The following NFE2L1 variants were observed in gnomAD, a reference collection of about 807,000 sequenced individuals.
NFE2L1 encodes NFE2 like bZIP transcription factor 1.
In NFE2L1, 18 loss-of-function variants were observed where a neutral mutation model predicts 61.6. The ratio of observed to expected loss-of-function variants is 0.29; its 90% CI spans 0.20 to 0.43. NFE2L1 has a LOEUF of 0.43. Ranked by LOEUF, NFE2L1 falls within the 20% of genes least tolerant of loss-of-function variation. The pLI, the probability that NFE2L1 is intolerant of heterozygous loss-of-function variation, is 1.00. For missense variants in NFE2L1, 827 were observed against 973.5 expected (o/e 0.85, Z 2.00); for synonymous variants, 419 against 402.7 (o/e 1.04, Z -0.48).
intron 2 of NFE2L1, chr17:48,054,722 G>T: frequency 7.7e-7 from 1 of 1,296,704 alleles, no homozygotes. Flanking sequence ...CTTGAGCACG[G>T]AGCATGGGGT....
Position 48,051,340 on chromosome 17 carries a change from G to C in NFE2L1, c.222G>C (p.Leu74=). The part of the protein sequence containing the change: ...GYGIHPKSID[L]DNYFTARRLL... Reference sequence around the variant, plus strand: ...GTATCCACCCCAAGAGCATAGACCTGGACAATTACTTCACTGCCCGGCGGC... The same window carrying C: ...GTATCCACCCCAAGAGCATAGACCTCGACAATTACTTCACTGCCCGGCGGC... The change falls in exon 2 of 6, where the codon CTG becomes CTC. Residue 74 remains leucine (L), a synonymous_variant. Transcript: ENST00000362042. 6.2e-7 allele frequency: 1 copy of C among 1,614,130 alleles called. No individual in the cohort carries two copies. Among genetic ancestry groups the C allele is most frequent in the East Asian group, 2.2e-5 (1 of 44,878 alleles).
intron 2 of NFE2L1, 132 bp downstream of exon 2, chr17:48,051,760 G>C (rs760056531): frequency 5.8e-5 from 66 of 1,138,940 alleles, no homozygotes; most frequent in Non-Finnish European, 8.0e-5. Context: ...ACTGTTCTTG[G>C]GTAGGGATGG....
At chr17:48,057,624 G>T in intron 5 of NFE2L1, 122 bp downstream of exon 5, 1 of 1,288,358 alleles carries the variant, frequency 7.8e-7, no homozygotes, top group South Asian at 1.5e-5. Context: ...TAGAGAAGTG[G>T]GGACAATGAG....
chr17:48,054,473 G>A (rs1160626149), intron 2 of NFE2L1: 1 of 620,366 alleles, frequency 1.6e-6, no homozygotes, highest in Non-Finnish European at 2.3e-6. Flanking sequence ...CGGAGACTTG[G>A]GGGAGGAGAT....
At chr17:48,053,429 A>G (rs766014225) in intron 2 of NFE2L1, among the ~76,000 whole-genome samples, 1 of 152,192 alleles carries the variant, frequency 6.6e-6, no homozygotes, top group Non-Finnish European at 1.5e-5. Flanking sequence ...CAACTCAGGG[A>G]TAAAAATACC....
intron 2 of NFE2L1, chr17:48,054,960 C>T: frequency 6.8e-7 from 1 of 1,463,188 alleles, no homozygotes; most frequent in East Asian, 2.8e-5. Context: ...CCAAGAGCTC[C>T]TTGCAGCCCC....
At chr17:48,056,663 G>A in intron 3 of NFE2L1, 65 bp downstream of exon 3, 1 of 1,568,684 alleles carries the variant, frequency 6.4e-7, no homozygotes, top group Non-Finnish European at 8.7e-7. Context: ...AACCAGGCTG[G>A]AGTTCTTCCA....
At chr17:48,054,944 T>C (rs2037356134) in intron 2 of NFE2L1, 1 of 1,444,468 alleles carries the variant, frequency 6.9e-7, no homozygotes, top group Non-Finnish European at 9.1e-7. Flanking sequence ...GTGTGCTCCC[T>C]GAAAGCCAAG....
In NFE2L1 at chr17:48,050,977, C is replaced by G; in HGVS notation, c.-142C>G. The G allele has an allele frequency of 1.0e-6, 1 of 985,974 alleles. No homozygotes were observed. Among genetic ancestry groups the G allele is most frequent in the Non-Finnish European group, 1.5e-6 (1 of 658,712 alleles). 61.1% of individuals were successfully genotyped at this position (985,974 alleles called of 1,614,324 possible). ...CCTCTGGGGCCGTCAGGGAGCTCAT[C>G]CCTTGTGTTCTGCCAGGGTGGGGTA... On this transcript the variant is annotated 5_prime_UTR_variant, in exon 2 of 6. In the 5' UTR this introduces an upstream ATG that the reference lacks. Transcript: ENST00000362042.
intron 2 of NFE2L1, 43 bp downstream of exon 2, chr17:48,051,671 G>T (rs1374031937): frequency 6.4e-7 from 1 of 1,568,338 alleles, no homozygotes; most frequent in Admixed American, 1.8e-5. Context: ...GGGGCTTGGG[G>T]GTGGGCTGGT....
At chr17:48,055,607 G>A (rs2037381250) in intron 2 of NFE2L1, among the ~76,000 whole-genome samples, 1 of 151,856 alleles carries the variant, frequency 6.6e-6, no homozygotes, top group African/African-American at 2.4e-5. Context: ...TGGTGTAGGG[G>A]ACACAGTGAG....
Position 48,051,161 on chromosome 17 carries a change from T to C in NFE2L1, c.43T>C (p.Phe15Leu). 8 of 1,614,232 alleles carry C rather than the reference T, an allele frequency of 5.0e-6. No homozygotes were observed. Among genetic ancestry groups the C allele is most frequent in the Non-Finnish European group, 6.8e-6 (8 of 1,180,040 alleles). The change falls in exon 2 of 6, where the codon TTC becomes CTC. Residue 15 changes from phenylalanine to leucine, a missense_variant. This residue lies in a region of NFE2L1 where 667 missense variants were observed against 748.4 expected (regional missense o/e 0.89). Transcript: ENST00000362042. ...KKYLTEGLLQFTILLSLIGVR... is the reference protein window; with the variant it reads ...KKYLTEGLLQLTILLSLIGVR... ...ATACTTAACGGAAGGACTTCTCCAG[T>C]TCACCATTCTGCTGAGTTTGATTGG...
rs2037530613 is a variant in NFE2L1, at chr17:48,060,653, A to G, written c.*1012A>G. 6.5e-6 allele frequency: 1 copy of G among 152,702 alleles called. No individual in the cohort carries two copies. The highest frequency in any genetic ancestry group is 1.5e-5 in the Non-Finnish European group (1 of 68,102). 9.5% of individuals were successfully genotyped at this position (152,702 alleles called of 1,614,324 possible). A position where few individuals can be genotyped will look rare whatever the true frequency, so the allele number is the denominator to read the frequency against. On this transcript the variant is annotated 3_prime_UTR_variant, in exon 6 of 6. Coordinates refer to ENST00000362042, the MANE Select transcript of NFE2L1 (RefSeq NM_003204.3). ...GGGACTGCTGTGAGGCAGAGGAATG[A>G]TGGAGAATCTAGTGTAGCAGCCTCC...
At chr17:48,054,078 C>T (rs534577917) in intron 2 of NFE2L1, among the ~76,000 whole-genome samples, 6 of 152,330 alleles carry the variant, frequency 3.9e-5, no homozygotes, top group African/African-American at 7.2e-5. Context: ...CAGCCTGGCT[C>T]GTGATCCCTG....
In NFE2L1 at chr17:48,060,423, G is replaced by C. The variant is rs2037525944; in HGVS notation, c.*782G>C. 1 of 153,028 alleles carries C rather than the reference G, an allele frequency of 6.5e-6. No individual in the cohort carries two copies. Among genetic ancestry groups the C allele is most frequent in the African/African-American group, 2.4e-5 (1 of 41,438 alleles). 9.5% of individuals were successfully genotyped at this position (153,028 alleles called of 1,614,324 possible). On this transcript the variant is annotated 3_prime_UTR_variant, in exon 6 of 6. Coordinates refer to ENST00000362042, the MANE Select transcript of NFE2L1 (RefSeq NM_003204.3). ...CCCAACATCACGCATGTCATTCACT[G>C]CCTTGCCACTCCATCTCCCTCCGTG... is the stretch of plus-strand genomic sequence containing the variant.
In NFE2L1 at chr17:48,048,447, GAC is replaced by G. The variant is rs1381923151; in HGVS notation, c.-527_-526del. On this transcript the variant is annotated 5_prime_UTR_variant, in exon 1 of 6. Coordinates refer to ENST00000362042, the MANE Select transcript of NFE2L1 (RefSeq NM_003204.3). Reference sequence around the variant, plus strand: ...AGGGCCTGCTGTGGAGGCAGCGGCGGACGCCGAGCTAAGCAGTGGGTATCGGG... The same window carrying G: ...AGGGCCTGCTGTGGAGGCAGCGGCGGGCCGAGCTAAGCAGTGGGTATCGGG... 6.5e-6 allele frequency: 1 copy of G among 152,674 alleles called. No homozygotes were observed. Among genetic ancestry groups the G allele is most frequent in the African/African-American group, 2.4e-5 (1 of 41,466 alleles). The allele number at this position is 152,674 out of a possible 1,614,324, so 9.5% of individuals were successfully genotyped here. A position where few individuals can be genotyped will look rare whatever the true frequency, so the allele number is the denominator to read the frequency against.
At chr17:48,051,683 C>T in intron 2 of NFE2L1, 55 bp downstream of exon 2, 1 of 1,556,234 alleles carries the variant, frequency 6.4e-7, no homozygotes, top group South Asian at 1.2e-5. Flanking sequence ...TGGGCTGGTC[C>T]CAAAGGATTG....
chr17:48,058,747 T>A lies in NFE2L1; in HGVS notation c.1425T>A (p.Ser475=). ...QASQLEEEFD[S]DSGLSLDSSH... is the part of the protein sequence containing the mutation. ...CCCAGCTGGAGGAGGAATTTGACTC[T>A]GACTCAGGCCTTTCCTTAGACTCGA... The change falls in exon 6 of 6, where the codon TCT becomes TCA. Residue 475 remains serine, a synonymous_variant. Coordinates refer to ENST00000362042, the MANE Select transcript of NFE2L1 (RefSeq NM_003204.3). 1 of 1,614,244 alleles carries A rather than the reference T, an allele frequency of 6.2e-7. No homozygotes were observed. Among genetic ancestry groups the A allele is most frequent in the Non-Finnish European group, 8.5e-7 (1 of 1,180,044 alleles).
At chr17:48,055,034 C>A (rs1256130205) in intron 2 of NFE2L1, 18 of 1,516,650 alleles carry the variant, frequency 1.2e-5, no homozygotes, top group Non-Finnish European at 1.4e-5. Context: ...CCGCCTGGAC[C>A]GCAGCTCTCA....
Sources: gnomAD v4.1 joint callset for allele counts (sites outside exome capture counted in the v4.1 genomes callset) on GRCh38, gnomAD v4.1.1 for gene constraint, gnomAD v4.1.1 regional missense constraint, MANE v1.5 for transcripts, NCBI Gene and HGNC (gene_info 2026-07-23, HGNC 2026-07-21) for gene names.